WDR91: variants seen among roughly 807,000 people sequenced by gnomAD.
The protein encoded by WDR91 is WD repeat-containing protein 91.
A neutral mutation model predicts 88.4 loss-of-function variants in WDR91; 52 were observed. The ratio of observed to expected loss-of-function variants is 0.59; its 90% CI spans 0.47 to 0.74. The LOEUF (loss-of-function observed/expected upper bound fraction) is 0.74, where lower values mean the gene tolerates loss of function less well. Among genes scored for constraint, WDR91 ranks in the 30% least tolerant of loss-of-function variants. The pLI is 0.00. For missense variants in WDR91, 824 were observed against 954.5 expected (o/e 0.86, Z 1.80); for synonymous variants, 362 against 389.5 (o/e 0.93, Z 0.83).
In WDR91 at chr7:135,205,963, A is replaced by C; in HGVS notation, c.690T>G (p.Tyr230Ter). The C allele has an allele frequency of 1.2e-6, 2 of 1,614,114 alleles. No homozygotes were observed. The highest frequency in any genetic ancestry group is 1.7e-6 in the Non-Finnish European group (2 of 1,180,032). ...EALVQHKLPPYVSNMDRLGDS... is the reference protein window; with the variant it reads ...EALVQHKLPP The stretch of plus-strand genomic sequence containing the variant: ...CCCCCAGGCGGTCCATGTTGGAGAC[A>C]TAAGGAGGCAATTTGTGTTGGACCA... Residue 230 changes from tyrosine (Y) to a stop codon, truncating the protein, a stop_gained, in exon 5 of 15, where the codon TAT becomes TAG. Coordinates refer to ENST00000354475, the MANE Select transcript of WDR91 (RefSeq NM_014149.4). LOFTEE classifies it high-confidence loss of function.
chr7:135,195,205 T>C, intron 8 of WDR91, 121 bp from the exon 9 acceptor site: 1 of 1,049,606 alleles, frequency 9.5e-7, no homozygotes, highest in East Asian at 2.6e-5. Context: ...TCCCTAGAGG[T>C]CTACATTCAA....
Position 135,189,456 on chromosome 7 carries a change from T to C in WDR91, c.1660-4A>G, listed in dbSNP as rs571622352. 12 of 1,612,800 alleles carry C rather than the reference T, an allele frequency of 7.4e-6. No individual in the cohort carries two copies. Among genetic ancestry groups the C allele is most frequent in the African/African-American group, 2.7e-5 (2 of 75,004 alleles). On this transcript the variant is annotated splice_region_variant and splice_polypyrimidine_tract_variant and intron_variant, in intron 11 of 14. Transcript: ENST00000354475. The stretch of plus-strand genomic sequence containing the variant: ...CTGGATCCAGGGAGAACTGGAGCTA[T>C]TGAAATAAAACAAAAATGTCAGTAG...
intron 7 of WDR91, 72 bp downstream of exon 7, chr7:135,197,921 A>G: frequency 6.5e-7 from 1 of 1,536,410 alleles, no homozygotes; most frequent in Non-Finnish European, 8.8e-7. Flanking sequence ...AAGAGAGAGA[A>G]GAGAAGACCC....
At chr7:135,194,614 A>C (rs1446445415) in intron 9 of WDR91, among the ~76,000 whole-genome samples, 1 of 152,202 alleles carries the variant, frequency 6.6e-6, no homozygotes, top group Non-Finnish European at 1.5e-5. Flanking sequence ...GAGGGCGCCC[A>C]CTGAAACTGC....
chr7:135,201,300 GTAAT>G (rs1301155900), intron 6 of WDR91, among the ~76,000 whole-genome samples: 3 of 145,174 alleles, frequency 2.1e-5, no homozygotes, highest in African/African-American at 7.7e-5. Flanking sequence ...CCCGGCTATT[GTAAT>G]TAGAGATCCT....
rs1830893036 is a variant in WDR91 at position 135,185,250 on chromosome 7, A to G, written c.*901T>C. On this transcript the variant is annotated 3_prime_UTR_variant, in exon 15 of 15. Transcript: ENST00000354475. ...CAATCAATACTTTGTTTCATGTACA[A>G]AATTATTTAAAATACTGTATAGAGT... 1 of 152,202 alleles carries G rather than the reference A, an allele frequency of 6.6e-6. No individual in the cohort carries two copies. Among genetic ancestry groups the G allele is most frequent in the African/African-American group, 2.4e-5 (1 of 41,450 alleles). The allele number at this position is 152,202 out of a possible 1,614,324, so 9.4% of individuals were successfully genotyped here.
Position 135,198,385 on chromosome 7 carries a change from T to C in WDR91, c.892-234A>G, listed in dbSNP as rs565969260. The C allele has an allele frequency of 9.2e-4, 463 of 502,200 alleles. 12 individuals are homozygous for C. The South Asian group carries it at 0.014, about 15-fold the overall frequency. The allele number at this position is 502,200 out of a possible 1,614,324, so 31.1% of individuals were successfully genotyped here. A position where few individuals can be genotyped will look rare whatever the true frequency, so the allele number is the denominator to read the frequency against. ...CACCTGCAATCCTCATCCTGCGGTA[T>C]CTCTCATCTGGAGGAAGATGTCATC... On this transcript the variant is annotated intron_variant, in intron 6 of 14. Transcript: ENST00000354475.
At position 135,211,419 on chromosome 7, in the gene WDR91, C is replaced by G; in HGVS notation, c.84G>C (p.Leu28=). The change falls in exon 1 of 15, where the codon CTG becomes CTC. Residue 28 remains leucine (L), a synonymous_variant. Transcript: ENST00000354475. ...CCTTGTCCGCCTTGATCTCGGCGTC[C>G]AGCTGCCGCAGTGTGTGCGTGAACC... ...FRGFTHTLRQ[L]DAEIKADKEK... is the part of the protein sequence containing the mutation. 6.2e-7 allele frequency: 1 copy of G among 1,612,128 alleles called. No homozygotes were observed. Among genetic ancestry groups the G allele is most frequent in the African/African-American group, 1.3e-5 (1 of 74,808 alleles).
intron 6 of WDR91, 178 bp from the exon 7 acceptor site, chr7:135,198,329 T>A: frequency 1.6e-6 from 1 of 637,152 alleles, no homozygotes; most frequent in South Asian, 2.2e-5. Flanking sequence ...GACCTCCTCC[T>A]TTCTGTCCTC....
At position 135,196,427 on chromosome 7, in the gene WDR91, C is replaced by T; in HGVS notation, c.1051-90G>A. The stretch of plus-strand genomic sequence containing the variant: ...CAGGGGGTCTAGGCCTAGGCTGCAG[C>T]ATTTTGCGGGGTTCTCGGTAATTAC... On this transcript the variant is annotated intron_variant, in intron 7 of 14. Transcript: ENST00000354475. The surrounding 1 kb of genome is among the most constrained non-coding windows in gnomAD (Gnocchi z 4.2). 2 of 1,270,936 alleles carry T rather than the reference C, an allele frequency of 1.6e-6. No homozygotes were observed. The highest frequency in any genetic ancestry group is 2.1e-6 in the Non-Finnish European group (2 of 956,464). The allele number at this position is 1,270,936 out of a possible 1,614,324, so 78.7% of individuals were successfully genotyped here. A position where few individuals can be genotyped will look rare whatever the true frequency, so the allele number is the denominator to read the frequency against.
rs1430953255 is a variant in WDR91, at chr7:135,187,091, C to A, written c.1960G>T (p.Val654Leu). Residue 654 changes from valine (V) to leucine (L), a missense_variant, in exon 14 of 15, where the codon GTG becomes TTG. Coordinates refer to ENST00000354475, the MANE Select transcript of WDR91 (RefSeq NM_014149.4). ...TTGTAGCCGCTGTATCCAGACAGCA[C>A]AAAGGGGCCCGTGGCATCTGAGGGG... ...SLPSDATGPFVLSGYSGYKQV... is the reference protein window; with the variant it reads ...SLPSDATGPFLLSGYSGYKQV... 6.2e-7 allele frequency: 1 copy of A among 1,614,272 alleles called. No individual in the cohort carries two copies. Among genetic ancestry groups the A allele is most frequent in the Non-Finnish European group, 8.5e-7 (1 of 1,180,056 alleles).
At position 135,186,246 on chromosome 7, in the gene WDR91, C is replaced by A; in HGVS notation, c.2149G>T (p.Val717Leu). Reference sequence around the variant, plus strand: ...CAGTCCATGGCAGTGCTCCAGTCCACGGTGACCACAGGGGCTCGGTGGCCA... The same window carrying A: ...CAGTCCATGGCAGTGCTCCAGTCCAAGGTGACCACAGGGGCTCGGTGGCCA... ...LGGHRAPVVTVDWSTAMDCGT... is the reference protein window; with the variant it reads ...LGGHRAPVVTLDWSTAMDCGT... The change falls in exon 15 of 15, where the codon GTG becomes TTG. Residue 717 changes from valine (V) to leucine (L), a missense_variant. Val to Leu is a conservative substitution (Grantham distance 32, BLOSUM62 1). Transcript: ENST00000354475. 6.2e-7 allele frequency: 1 copy of A among 1,611,642 alleles called. No homozygotes were observed. The highest frequency in any genetic ancestry group is 8.5e-7 in the Non-Finnish European group (1 of 1,179,020).
At chr7:135,201,242 T>C (rs139345935) in intron 6 of WDR91, among the ~76,000 whole-genome samples, 24 of 151,998 alleles carry the variant, frequency 1.6e-4, no homozygotes, top group African/African-American at 4.3e-4. Flanking sequence ...AACTACAGGC[T>C]GTGTGAGCCA....
At chr7:135,198,981 C>T (rs1050836047) in intron 6 of WDR91, 5 of 152,176 alleles carry the variant, frequency 3.3e-5, no homozygotes, top group Admixed American at 2.6e-4. Context: ...GCCAAACACC[C>T]TCACCCTCAT....
At position 135,188,558 on chromosome 7, in the gene WDR91, G is replaced by A; in HGVS notation, c.1769-13C>T. The stretch of plus-strand genomic sequence containing the variant: ...TGCTGCTGCATGTCTGAGGCAATGA[G>A]ACACGGCCACTCACATCCTGGCCAG... On this transcript the variant is annotated splice_polypyrimidine_tract_variant and intron_variant, in intron 12 of 14. Coordinates refer to ENST00000354475, the MANE Select transcript of WDR91 (RefSeq NM_014149.4). 1 of 1,608,506 alleles carries A rather than the reference G, an allele frequency of 6.2e-7. No individual in the cohort carries two copies. The highest frequency in any genetic ancestry group is 8.5e-7 in the Non-Finnish European group (1 of 1,176,654).
intron 3 of WDR91, among the ~76,000 whole-genome samples, chr7:135,207,530 G>A (rs1370798919): frequency 6.6e-6 from 1 of 152,206 alleles, no homozygotes; most frequent in Non-Finnish European, 1.5e-5. Context: ...GGACTTCACA[G>A]CCAGTCTGAG....
At chr7:135,186,370 T>A in intron 14 of WDR91, 55 bp from the exon 15 acceptor site, 2 of 1,567,078 alleles carry the variant, frequency 1.3e-6, no homozygotes, top group Non-Finnish European at 1.7e-6. Context: ...TTACACACAC[T>A]TGATCCACTT....
intron 2 of WDR91, 29 bp from the exon 3 acceptor site, chr7:135,209,027 GGGA>G (rs771521544): frequency 6.3e-7 from 1 of 1,599,518 alleles, no homozygotes; most frequent in South Asian, 1.1e-5. Context: ...GTAGCAAGGA[GGGA>G]GGAGAGACAG....
At position 135,184,883 on chromosome 7, in the gene WDR91, C is replaced by T. The variant is rs1195356167; in HGVS notation, c.*1268G>A. The T allele has an allele frequency of 6.9e-6, 1 of 143,956 alleles. No homozygotes were observed. The highest frequency in any genetic ancestry group is 1.5e-5 in the Non-Finnish European group (1 of 65,684). 8.9% of individuals were successfully genotyped at this position (143,956 alleles called of 1,614,324 possible). A position where few individuals can be genotyped will look rare whatever the true frequency, so the allele number is the denominator to read the frequency against. On this transcript the variant is annotated 3_prime_UTR_variant, in exon 15 of 15. Coordinates refer to ENST00000354475, the MANE Select transcript of WDR91 (RefSeq NM_014149.4). ...CCAAAGATCCAAAATCAAAAATGCT[C>T]CATAACCCAAAACTTTTTTTTTTTT...
Sources: gnomAD v4.1 joint callset for allele counts (sites outside exome capture counted in the v4.1 genomes callset) on GRCh38, gnomAD v4.1.1 for gene constraint, Gnocchi (gnomAD v3.1) non-coding constraint, MANE v1.5 for transcripts, NCBI Gene and HGNC (gene_info 2026-07-23, HGNC 2026-07-21) for gene names.